The following ARK2C variants were observed in gnomAD, a reference collection of about 807,000 sequenced individuals.
The protein encoded by ARK2C is E3 ubiquitin-protein ligase ARK2C.
the ARK2C span, chr18:46,433,168 T>C: frequency 5.9e-6 from 9 of 1,538,126 alleles, no homozygotes; most frequent in South Asian, 1.1e-4. Context: ...GTCATGGAGA[T>C]GTCTCTGTCC....
At chr18:46,366,828 TC>T in the ARK2C span, among the ~76,000 whole-genome samples, 1 of 152,178 alleles carries the variant, frequency 6.6e-6, no homozygotes. Context: ...CTGCCATAAG[TC>T]AGACGCTGTG....
the ARK2C span, chr18:46,450,459 C>G: frequency 1.6e-6 from 2 of 1,243,890 alleles, no homozygotes; most frequent in African/African-American, 3.0e-5. Context: ...TGTTATCATC[C>G]CTTTTCCCTC....
chr18:46,348,404 T>C, the ARK2C span, among the ~76,000 whole-genome samples: 1 of 152,156 alleles, frequency 6.6e-6, no homozygotes, highest in Non-Finnish European at 1.5e-5. Flanking sequence ...TGATTGTCTT[T>C]TGTCAAGAAT....
the ARK2C span, among the ~76,000 whole-genome samples, chr18:46,439,057 T>C: frequency 6.6e-6 from 1 of 152,204 alleles, no homozygotes; most frequent in Non-Finnish European, 1.5e-5. Flanking sequence ...TGAGAGTGAC[T>C]GGCAGTCCTT....
chr18:46,440,491 G>A, the ARK2C span, among the ~76,000 whole-genome samples: 3 of 152,124 alleles, frequency 2.0e-5, no homozygotes, highest in Non-Finnish European at 4.4e-5. Context: ...TGGTGTCCTG[G>A]AACATATCCC....
the ARK2C span, chr18:46,386,586 C>CCATCCACT: frequency 6.6e-6 from 1 of 152,068 alleles, no homozygotes; most frequent in Admixed American, 6.6e-5. Flanking sequence ...ACCCATCCAC[C>CCATCCACT]CATCCATCCA....
the ARK2C span, among the ~76,000 whole-genome samples, chr18:46,432,931 C>T: frequency 5.9e-5 from 9 of 152,048 alleles, no homozygotes; most frequent in East Asian, 5.8e-4. Context: ...GGCGACAGAG[C>T]GAGACTCCGT....
At chr18:46,446,666 A>G in the ARK2C span, among the ~76,000 whole-genome samples, 1 of 133,716 alleles carries the variant, frequency 7.5e-6, no homozygotes. Flanking sequence ...GCGAGACTCC[A>G]TCTCAAAAAA....
At chr18:46,401,709 C>T in the ARK2C span, among the ~76,000 whole-genome samples, 2 of 152,234 alleles carry the variant, frequency 1.3e-5, no homozygotes, top group Non-Finnish European at 2.9e-5. Flanking sequence ...ATCCTCAAGT[C>T]AGCCCCGTGA....
At chr18:46,362,706 C>A in the ARK2C span, among the ~76,000 whole-genome samples, 1 of 152,228 alleles carries the variant, frequency 6.6e-6, no homozygotes. Context: ...TAATGCCCTG[C>A]GACAACCACA....
the ARK2C span, chr18:46,456,679 C>G: frequency 2.9e-6 from 4 of 1,371,026 alleles, no homozygotes; most frequent in Admixed American, 3.4e-5. Context: ...TTCACCAGGT[C>G]CCCCCACGGC....
the ARK2C span, among the ~76,000 whole-genome samples, chr18:46,408,912 G>T: frequency 6.6e-6 from 1 of 152,158 alleles, no homozygotes; most frequent in Non-Finnish European, 1.5e-5. Flanking sequence ...TGTGGCTTTT[G>T]TTCCAAGTCT....
the ARK2C span, chr18:46,456,467 TCA>T: frequency 7.5e-7 from 1 of 1,327,274 alleles, no homozygotes; most frequent in Non-Finnish European, 1.1e-6. Flanking sequence ...CCTGCTCCGC[TCA>T]GTGTCCCTCA....
the ARK2C span, among the ~76,000 whole-genome samples, chr18:46,381,958 C>T: frequency 6.6e-6 from 1 of 152,302 alleles, no homozygotes; most frequent in Admixed American, 6.5e-5. Context: ...TAAGCACCCG[C>T]AGGGCCTCCC....
chr18:46,423,323 A>G, the ARK2C span, among the ~76,000 whole-genome samples: 40 of 152,264 alleles, frequency 2.6e-4, no homozygotes, highest in African/African-American at 9.6e-4. Flanking sequence ...GTGCCTGAGC[A>G]GTTGTGCTCA....
chr18:46,450,192 C>A, the ARK2C span: 1 of 764,348 alleles, frequency 1.3e-6, no homozygotes, highest in Non-Finnish European at 2.4e-6. Flanking sequence ...CTGCCCACAG[C>A]ATCTCAGGGT....
At chr18:46,361,118 G>C in the ARK2C span, among the ~76,000 whole-genome samples, 1 of 152,300 alleles carries the variant, frequency 6.6e-6, no homozygotes, top group African/African-American at 2.4e-5. Context: ...CTGATGCCCA[G>C]TGTAAAAAAA....
At chr18:46,335,189 G>C in the ARK2C span, 1 of 152,222 alleles carries the variant, frequency 6.6e-6, no homozygotes, top group African/African-American at 2.4e-5. Flanking sequence ...GTTGTGCTGT[G>C]TGTGAGGATG....
At chr18:46,441,936 G>T in the ARK2C span, among the ~76,000 whole-genome samples, 1 of 146,764 alleles carries the variant, frequency 6.8e-6, no homozygotes, top group Non-Finnish European at 1.5e-5. Context: ...AGGCCGAGAC[G>T]GGCGGATCAC....
Sources: allele counts gnomAD v4.1 joint callset (sites outside exome capture counted in the v4.1 genomes callset), GRCh38; gene constraint gnomAD v4.1.1; transcripts MANE v1.5; gene names NCBI Gene and HGNC (gene_info 2026-07-23, HGNC 2026-07-21).